Variants in CYB5RL observed in about 807,000 individuals in gnomAD.
The protein encoded by CYB5RL is cytochrome b5 reductase like.
In CYB5RL, 38 loss-of-function variants were observed where a neutral mutation model predicts 37.5. The observed-to-expected ratio is 1.01, with a 90% CI of 0.78 to 1.33. The LOEUF is 1.33. Among genes scored for constraint, CYB5RL ranks in the 40% most tolerant of loss-of-function variants. The pLI, the probability that CYB5RL is intolerant of heterozygous loss-of-function variation, is 0.00. For missense variants in CYB5RL, 388 were observed against 394.4 expected (o/e 0.98, Z 0.14); for synonymous variants, 141 against 151.9 (o/e 0.93, Z 0.53).
intron 5 of CYB5RL, chr1:54,184,955 G>A (rs543312321): frequency 9.8e-5 from 15 of 152,396 alleles, no homozygotes; most frequent in African/African-American, 2.9e-4. Context: ...CCATGGAGAA[G>A]GGAGTCTATA....
Position 54,195,584 on chromosome 1 carries a change from A to G in CYB5RL, c.33T>C (p.Thr11=). The change falls in exon 3 of 8, where the codon ACT becomes ACC. Residue 11 remains threonine, a synonymous_variant. Transcript: ENST00000534324. The stretch of plus-strand genomic sequence containing the variant: ...GCCGTAGCTGCATCCAGGCTTCCTC[A>G]GTGTCGTCGTCCTCTTCCCTCTCAG... MMAEREEDDD[T]EEAWMQLRPT... The G allele has an allele frequency of 6.2e-7, 1 of 1,612,782 alleles. No individual in the cohort carries two copies. The highest frequency in any genetic ancestry group is 8.5e-7 in the Non-Finnish European group (1 of 1,179,128).
At chr1:54,195,750 TCTC>T (rs1644002839) in intron 2 of CYB5RL, 35 bp from the exon 3 acceptor site, 2 of 974,560 alleles carry the variant, frequency 2.1e-6, no homozygotes, top group East Asian at 2.5e-5. Flanking sequence ...TATTCTCTGG[TCTC>T]CTCTATTCCT....
rs1643998610 is a variant in CYB5RL at position 54,195,473 on chromosome 1, C to T, written c.144G>A (p.Trp48Ter). The T allele has an allele frequency of 6.2e-7, 1 of 1,612,800 alleles. No homozygotes were observed. The highest frequency in any genetic ancestry group is 1.3e-5 in the African/African-American group (1 of 75,018). Residue 48 changes from tryptophan (W) to a stop codon, truncating the protein, a stop_gained, in exon 3 of 8, where the codon TGG becomes TGA. Coordinates refer to ENST00000534324, the MANE Select transcript of CYB5RL (RefSeq NM_001031672.4). LOFTEE classifies it high-confidence loss of function. The part of the protein sequence containing the change: ...FDLYHRDLAR[W>*]EAAQASKDRS... ...TGTCCTTGCTGGCTTGGGCTGCCTC[C>T]CACCTTGCCAGATCTCGGTGATAGA...
chr1:54,174,177 G>A lies in CYB5RL; in HGVS notation c.*442C>T, dbSNP rs1177879788. ...CTCCAAAGAGCTCTAAGCCTCTCCCGTGTCCTTCCCTACACACTCAGGAGC... is the reference window on the plus strand; with the variant it reads ...CTCCAAAGAGCTCTAAGCCTCTCCCATGTCCTTCCCTACACACTCAGGAGC... On this transcript the variant is annotated 3_prime_UTR_variant, in exon 8 of 8. Coordinates refer to ENST00000534324, the MANE Select transcript of CYB5RL (RefSeq NM_001031672.4). 3 of 208,422 alleles carry A rather than the reference G, an allele frequency of 1.4e-5. No individual in the cohort carries two copies. Among genetic ancestry groups the A allele is most frequent in the Admixed American group, 5.1e-5 (1 of 19,546 alleles). The allele number at this position is 208,422 out of a possible 1,614,324, so 12.9% of individuals were successfully genotyped here.
chr1:54,187,304 A>G (rs1287131936), intron 5 of CYB5RL, among the ~76,000 whole-genome samples: 2 of 152,040 alleles, frequency 1.3e-5, no homozygotes, highest in East Asian at 3.9e-4. Flanking sequence ...TTGGTTAACC[A>G]TCCCCTCAGC....
In CYB5RL at chr1:54,174,223, G is replaced by A; in HGVS notation, c.*396C>T. Reference sequence around the variant, plus strand: ...GGAGCCCCTAATCCGAGATGGTGCTGAGGCCACAGTTGGAGCCCCCATTAG... The same window carrying A: ...GGAGCCCCTAATCCGAGATGGTGCTAAGGCCACAGTTGGAGCCCCCATTAG... On this transcript the variant is annotated 3_prime_UTR_variant, in exon 8 of 8. Coordinates refer to ENST00000534324, the MANE Select transcript of CYB5RL (RefSeq NM_001031672.4). 1 of 253,062 alleles carries A rather than the reference G, an allele frequency of 4.0e-6. No homozygotes were observed. The highest frequency in any genetic ancestry group is 7.9e-6 in the Non-Finnish European group (1 of 126,518). 15.7% of individuals were successfully genotyped at this position (253,062 alleles called of 1,614,324 possible). A position where few individuals can be genotyped will look rare whatever the true frequency, so the allele number is the denominator to read the frequency against.
In CYB5RL at chr1:54,173,479, T is replaced by C. The variant is rs114572513; in HGVS notation, c.*1140A>G. 78 of 152,346 alleles carry C rather than the reference T, an allele frequency of 5.1e-4. No homozygotes were observed. The highest frequency in any genetic ancestry group is 1.9e-3 in the African/African-American group (77 of 41,568). 9.4% of individuals were successfully genotyped at this position (152,346 alleles called of 1,614,324 possible). On this transcript the variant is annotated 3_prime_UTR_variant, in exon 8 of 8. Transcript: ENST00000534324. ...TAGTGCTGGCTCTGCCATGGACTGTTTTACCCTGGGCAAGTCATTTAGTCT... is the reference window on the plus strand; with the variant it reads ...TAGTGCTGGCTCTGCCATGGACTGTCTTACCCTGGGCAAGTCATTTAGTCT...
chr1:54,193,336 G>A (rs1643974056), intron 3 of CYB5RL, among the ~76,000 whole-genome samples: 1 of 152,134 alleles, frequency 6.6e-6, no homozygotes, highest in Admixed American at 6.5e-5. Flanking sequence ...ACACATAAGA[G>A]TACATCTAGA....
chr1:54,196,654 T>C (rs1280216517), intron 1 of CYB5RL, among the ~76,000 whole-genome samples, 163 bp from the exon 2 acceptor site: 4 of 152,240 alleles, frequency 2.6e-5, no homozygotes, highest in Non-Finnish European at 5.9e-5. Flanking sequence ...ATAACTGCAC[T>C]TCCCCAGGTG....
intron 7 of CYB5RL, among the ~76,000 whole-genome samples, chr1:54,175,879 A>C (rs920401040): frequency 2.6e-5 from 4 of 152,308 alleles, no homozygotes; most frequent in African/African-American, 9.6e-5. Flanking sequence ...AGATTTTGCT[A>C]TCTGCAGGGG....
Position 54,181,748 on chromosome 1 carries a change from T to C in CYB5RL, c.541-2396A>G, listed in dbSNP as rs146897727. Among the ~76,000 whole-genome samples, 14 of 152,274 alleles carry C rather than the reference T, an allele frequency of 9.2e-5. No individual in the cohort carries two copies. In the East Asian group the frequency reaches 2.7e-3, roughly 29 times the overall value. ...GGGAGGATCACTTGAGCCAAGGAGT[T>C]TGAGACCAGCCTGGGCAACATGGTG... On this transcript the variant is annotated intron_variant, in intron 6 of 7. Coordinates refer to ENST00000534324, the MANE Select transcript of CYB5RL (RefSeq NM_001031672.4).
intron 1 of CYB5RL, among the ~76,000 whole-genome samples, chr1:54,197,155 A>G (rs1035021162): frequency 6.6e-6 from 1 of 152,116 alleles, no homozygotes; most frequent in Non-Finnish European, 1.5e-5. Flanking sequence ...TGGATTAAAC[A>G]AGTCTAGATA....
Position 54,170,876 on chromosome 1 carries a change from G to A in CYB5RL, c.*3743C>T. The A allele has an allele frequency of 3.0e-6, 1 of 332,550 alleles. No homozygotes were observed. Among genetic ancestry groups the A allele is most frequent in the East Asian group, 7.5e-5 (1 of 13,280 alleles). 20.6% of individuals were successfully genotyped at this position (332,550 alleles called of 1,614,324 possible). A position where few individuals can be genotyped will look rare whatever the true frequency, so the allele number is the denominator to read the frequency against. On this transcript the variant is annotated 3_prime_UTR_variant, in exon 8 of 8. Transcript: ENST00000534324. ...GTAAATTGGGGTAATAAAATAGCAT[G>A]TATATTGGTGAAGATTCTTGCTTCA...
Position 54,171,812 on chromosome 1 carries a change from ACCACACC to A in CYB5RL, c.*2800_*2806del, listed in dbSNP as rs1343229713. Reference sequence around the variant, plus strand: ...AGCTCCAAGAGGTCTGAACTCACACACCACACCCCACACTCTTCTTCTTGGGCTTGCT... The same window carrying A: ...AGCTCCAAGAGGTCTGAACTCACACACCACACTCTTCTTCTTGGGCTTGCT... On this transcript the variant is annotated 3_prime_UTR_variant, in exon 8 of 8. Transcript: ENST00000534324. 3 of 267,500 alleles carry A rather than the reference ACCACACC, an allele frequency of 1.1e-5. No individual in the cohort carries two copies. The highest frequency in any genetic ancestry group is 4.6e-5 in the South Asian group (1 of 21,732). 16.6% of individuals were successfully genotyped at this position (267,500 alleles called of 1,614,324 possible). A position where few individuals can be genotyped will look rare whatever the true frequency, so the allele number is the denominator to read the frequency against.
intron 3 of CYB5RL, among the ~76,000 whole-genome samples, chr1:54,194,848 T>TTATA (rs1413013419): frequency 6.6e-6 from 1 of 152,194 alleles, no homozygotes; most frequent in African/African-American, 2.4e-5. Context: ...CCTATCTGTG[T>TTATA]TATACAGGGG....
At chr1:54,187,545 G>T in intron 5 of CYB5RL, 107 bp downstream of exon 5, 1 of 1,083,824 alleles carries the variant, frequency 9.2e-7, no homozygotes, top group Non-Finnish European at 1.4e-6. Context: ...CTTTGTCCAT[G>T]TTGTTCCCAG....
At chr1:54,179,087 G>T in intron 7 of CYB5RL, 62 bp downstream of exon 7, 1 of 1,554,498 alleles carries the variant, frequency 6.4e-7, no homozygotes, top group Admixed American at 1.9e-5. Context: ...CTGGTCCTCA[G>T]GACAGGTGCA....
At chr1:54,197,080 G>A (rs1557727247) in intron 1 of CYB5RL, among the ~76,000 whole-genome samples, 1 of 152,172 alleles carries the variant, frequency 6.6e-6, no homozygotes, top group African/African-American at 2.4e-5. Flanking sequence ...GAAAGAAGAA[G>A]AGAGTTTGGT....
chr1:54,179,109 G>A lies in CYB5RL; in HGVS notation c.744+40C>T, dbSNP rs376916898. ...TCAGGACAGGTGCAAAGGGACAGCA[G>A]AGTCTCAATCAAAAAAGAAAGTCAC... On this transcript the variant is annotated intron_variant, in intron 7 of 7. Transcript: ENST00000534324. The A allele has an allele frequency of 3.2e-6, 5 of 1,586,808 alleles. No homozygotes were observed. In the African/African-American group the frequency reaches 6.7e-5, roughly 21 times the overall value.
Sources: allele counts gnomAD v4.1 joint callset (sites outside exome capture counted in the v4.1 genomes callset), GRCh38; gene constraint gnomAD v4.1.1; transcripts MANE v1.5; gene names NCBI Gene and HGNC (gene_info 2026-07-23, HGNC 2026-07-21).